Variants in GTF2H3 observed in about 807,000 individuals in gnomAD.
GTF2H3 encodes general transcription factor IIH subunit 3, also known as TFIIH basal transcription factor complex p34 subunit.
A neutral mutation model predicts 51.1 loss-of-function variants in GTF2H3; 42 were observed. The ratio of observed to expected loss-of-function variants is 0.82; its 90% confidence interval spans 0.64 to 1.06. GTF2H3 has a LOEUF of 1.06. GTF2H3 is among the 50% of genes least tolerant of loss of function. The probability of loss-of-function intolerance (pLI) is 0.00; values close to 1 mark genes in which losing one functional copy is unlikely to be tolerated. For missense variants in GTF2H3, 326 were observed against 366.1 expected, an observed-to-expected ratio of 0.89 and a Z score of 0.89; for synonymous variants, 123 against 123.8, an observed-to-expected ratio of 0.99 and a Z score of 0.04.
chr12:123,658,053 T>TTTTTATTTTA (rs918026829), intron 9 of GTF2H3, among the ~76,000 whole-genome samples: 1 of 152,112 alleles, frequency 6.6e-6, no homozygotes, highest in East Asian at 1.9e-4. Flanking sequence ...AAGAGTTTTA[T>TTTTTATTTTA]TTTTATTTTA....
At chr12:123,640,659 A>G (rs1955357632) in intron 2 of GTF2H3, among the ~76,000 whole-genome samples, 2 of 152,094 alleles carry the variant, frequency 1.3e-5, no homozygotes, top group Admixed American at 6.6e-5. Flanking sequence ...TTTTAATGAC[A>G]GGTTAGCTGT....
At chr12:123,658,367 G>A (rs1191222147) in intron 9 of GTF2H3, among the ~76,000 whole-genome samples, 2 of 152,136 alleles carry the variant, frequency 1.3e-5, no homozygotes, top group African/African-American at 2.4e-5. Flanking sequence ...ACAGGTGCCC[G>A]CCACTACGCC....
intron 4 of GTF2H3, 114 bp from the exon 5 acceptor site, chr12:123,650,880 C>G: frequency 1.5e-6 from 1 of 671,388 alleles, no homozygotes. Context: ...TGTTTGATTT[C>G]ATTTATGAAG....
At position 123,652,800 on chromosome 12, in the gene GTF2H3, A is replaced by G. The variant is rs1028283162; in HGVS notation, c.486+65A>G. On this transcript the variant is annotated intron_variant, in intron 7 of 12. Coordinates refer to ENST00000543341, the MANE Select transcript of GTF2H3 (RefSeq NM_001516.5). ...TAATTAGAAAACATAACGGGAGACC[A>G]GGTGTGGTGGCTCACACCTGTTATC... 4.3e-6 allele frequency: 6 copies of G among 1,384,816 alleles called. No individual in the cohort carries two copies. The Admixed American group carries it at 1.4e-4, about 32-fold the overall frequency. 85.8% of individuals were successfully genotyped at this position (1,384,816 alleles called of 1,614,324 possible). A position where few individuals can be genotyped will look rare whatever the true frequency, so the allele number is the denominator to read the frequency against.
rs377270173 is a variant in GTF2H3 at position 123,655,017 on chromosome 12, G to A, written c.561+19G>A. 4.4e-4 allele frequency: 701 copies of A among 1,589,420 alleles called. No homozygotes were observed. The highest frequency in any genetic ancestry group is 5.8e-4 in the Non-Finnish European group (675 of 1,157,496). On this transcript the variant is annotated intron_variant, in intron 8 of 12. Coordinates refer to ENST00000543341, the MANE Select transcript of GTF2H3 (RefSeq NM_001516.5). ...GAAACAGGTGAACTGAGAGCCTGCC[G>A]TTTAAAGTATTTGTTTCATAACGAA...
chr12:123,639,074 C>T (rs745602773), intron 1 of GTF2H3, among the ~76,000 whole-genome samples, 190 bp from the exon 2 acceptor site: 5 of 152,138 alleles, frequency 3.3e-5, no homozygotes, highest in Non-Finnish European at 5.9e-5. Context: ...GGGTTACAGG[C>T]GTGAGCCACC....
intron 2 of GTF2H3, among the ~76,000 whole-genome samples, chr12:123,642,334 C>T (rs1302502294): frequency 6.6e-6 from 1 of 152,024 alleles, no homozygotes; most frequent in African/African-American, 2.4e-5. Context: ...CCACACCCAG[C>T]TAATTTTTGT....
intron 3 of GTF2H3, among the ~76,000 whole-genome samples, chr12:123,647,548 ATATGTACCT>A (rs1955465508): frequency 6.6e-6 from 1 of 152,006 alleles, no homozygotes; most frequent in South Asian, 2.1e-4. Flanking sequence ...ACTGGGATAG[ATATGTACCT>A]CAAATAATAA....
At chr12:123,640,079 C>T (rs559921058) in intron 2 of GTF2H3, 29 of 418,628 alleles carry the variant, frequency 6.9e-5, no homozygotes, top group Admixed American at 1.2e-4. Flanking sequence ...AGGCTGGTCT[C>T]GAACTCCTGG....
Position 123,645,526 on chromosome 12 carries a change from C to T in GTF2H3, c.165C>T (p.Asn55=), listed in dbSNP as rs764822420. Residue 55 remains asparagine, a synonymous_variant, in exon 3 of 13, where the codon AAC becomes AAT. Transcript: ENST00000543341. ...GNSHLFMNRS[N]KLAVIASHIQ... ...CGCATTTATTCATGAATCGTTCCAACAAACTTGCTGTGATAGCAAGTCACA... is the reference window on the plus strand; with the variant it reads ...CGCATTTATTCATGAATCGTTCCAATAAACTTGCTGTGATAGCAAGTCACA... 6 of 1,606,184 alleles carry T rather than the reference C, an allele frequency of 3.7e-6. No homozygotes were observed. Among genetic ancestry groups the T allele is most frequent in the Middle Eastern group, 3.3e-4 (2 of 6,060 alleles).
Position 123,633,855 on chromosome 12 carries a change from C to T in GTF2H3, c.-5C>T, listed in dbSNP as rs547242579. The T allele has an allele frequency of 8.4e-5, 135 of 1,613,314 alleles. No homozygotes were observed. The highest frequency in any genetic ancestry group is 1.7e-4 in the Middle Eastern group (1 of 6,058). ...CTTGCTCTGCGCTGAGGTGCTGGGA[C>T]AGCCATGGTTTCAGACGGTGAGGAC... is the stretch of plus-strand genomic sequence containing the variant. On this transcript the variant is annotated 5_prime_UTR_variant, in exon 1 of 13. Coordinates refer to ENST00000543341, the MANE Select transcript of GTF2H3 (RefSeq NM_001516.5).
At chr12:123,644,933 TG>T (rs1238003673) in intron 2 of GTF2H3, among the ~76,000 whole-genome samples, 1 of 152,246 alleles carries the variant, frequency 6.6e-6, no homozygotes, top group Non-Finnish European at 1.5e-5. Flanking sequence ...TGTGGAATAT[TG>T]TACTGATGTA....
chr12:123,635,441 C>T (rs978502432), intron 1 of GTF2H3, among the ~76,000 whole-genome samples: 1 of 151,938 alleles, frequency 6.6e-6, no homozygotes, highest in Non-Finnish European at 1.5e-5. Context: ...GACAAGGTGG[C>T]GCACACCTAT....
chr12:123,641,075 C>T (rs1039802229), intron 2 of GTF2H3, among the ~76,000 whole-genome samples: 2 of 152,024 alleles, frequency 1.3e-5, no homozygotes, highest in Non-Finnish European at 2.9e-5. Context: ...TCACTGGTGC[C>T]CAGGCGGTTG....
intron 9 of GTF2H3, 66 bp from the exon 10 acceptor site, chr12:123,659,450 G>A: frequency 2.4e-6 from 3 of 1,275,430 alleles, no homozygotes; most frequent in Non-Finnish European, 3.4e-6. Flanking sequence ...TTGCTCATGA[G>A]AACCTCATTC....
chr12:123,648,501 C>G (rs563346041), intron 4 of GTF2H3: 135 of 156,604 alleles, frequency 8.6e-4, no homozygotes, highest in Non-Finnish European at 1.4e-3. Flanking sequence ...TCCACTTTTG[C>G]CTTTAATTAT....
chr12:123,654,554 T>TGTGTGTGTATTTTGGGGGTGC lies in GTF2H3; in HGVS notation c.487-369_487-349dup, dbSNP rs796697080. Among the ~76,000 whole-genome samples the TGTGTGTGTATTTTGGGGGTGC allele has an allele frequency of 3.7e-4, 56 of 151,656 alleles. 1 individual carries two copies. Among genetic ancestry groups the TGTGTGTGTATTTTGGGGGTGC allele is most frequent in the African/African-American group, 1.3e-3 (55 of 41,340 alleles). Reference sequence around the variant, plus strand: ...TTTGGAGTGTGTGTATTTTTGGGTGTGTGTGTGTATTTTGGGGGTGCATGT... The same window carrying TGTGTGTGTATTTTGGGGGTGC: ...TTTGGAGTGTGTGTATTTTTGGGTGTGTGTGTGTATTTTGGGGGTGCGTGTGTGTATTTTGGGGGTGCATGT... On this transcript the variant is annotated intron_variant, in intron 7 of 12. Coordinates refer to ENST00000543341, the MANE Select transcript of GTF2H3 (RefSeq NM_001516.5).
chr12:123,647,920 G>T, intron 3 of GTF2H3, 43 bp from the exon 4 acceptor site: 1 of 1,492,916 alleles, frequency 6.7e-7, no homozygotes. Flanking sequence ...GAGCCTGGGC[G>T]GTGAGGCCTG....
rs1030488684 is a variant in GTF2H3, at chr12:123,662,012, C to G, written c.*1777C>G. The stretch of plus-strand genomic sequence containing the variant: ...GGCGTGGTGGCAGGTGCCTGTAATC[C>G]CAGCTACTCAGGAGACTGAGGCAGG... On this transcript the variant is annotated 3_prime_UTR_variant, in exon 13 of 13. Coordinates refer to ENST00000543341, the MANE Select transcript of GTF2H3 (RefSeq NM_001516.5). 6.6e-6 allele frequency: 1 copy of G among 151,548 alleles called. No homozygotes were observed. The highest frequency in any genetic ancestry group is 1.5e-5 in the Non-Finnish European group (1 of 67,974). The allele number at this position is 151,548 out of a possible 1,614,324, so 9.4% of individuals were successfully genotyped here.
Sources: gnomAD v4.1 joint callset for allele counts (sites outside exome capture counted in the v4.1 genomes callset) on GRCh38, gnomAD v4.1.1 for gene constraint, MANE v1.5 for transcripts, NCBI Gene and HGNC (gene_info 2026-07-23, HGNC 2026-07-21) for gene names.